Variants in TPCN2 observed in about 807,000 individuals in gnomAD.
TPCN2 encodes the protein two pore channel protein 2.
A neutral mutation model predicts 111.4 loss-of-function variants in TPCN2; 92 were observed. The ratio of observed to expected loss-of-function variants is 0.83; its 90% confidence interval spans 0.70 to 0.98. The LOEUF (loss-of-function observed/expected upper bound fraction) is 0.98, where lower values mean the gene tolerates loss of function less well. Ranked by LOEUF, TPCN2 falls within the 50% of genes least tolerant of loss-of-function variation. The pLI, the probability that TPCN2 is intolerant of heterozygous loss-of-function variation, is 0.00. For synonymous variants in TPCN2, 405 were observed against 414.5 expected (o/e 0.98, Z 0.28); for missense variants, 995 against 980.1 (o/e 1.02, Z -0.20).
Position 69,087,224 on chromosome 11 carries a change from G to A in TPCN2, c.2180+18G>A. On this transcript the variant is annotated intron_variant, in intron 24 of 24. Transcript: ENST00000294309. ...CTGTTCAGGTGTGTGGGTGGGGAAG[G>A]CGCTTCTGTCTGGCCCCCTGGGATG... 1 of 1,610,872 alleles carries A rather than the reference G, an allele frequency of 6.2e-7. No individual in the cohort carries two copies. Among genetic ancestry groups the A allele is most frequent in the African/African-American group, 1.3e-5 (1 of 74,968 alleles).
chr11:69,062,935 T>A lies in TPCN2; in HGVS notation c.598T>A (p.Ser200Thr). 1 of 1,613,978 alleles carries A rather than the reference T, an allele frequency of 6.2e-7. No homozygotes were observed. The highest frequency in any genetic ancestry group is 8.5e-7 in the Non-Finnish European group (1 of 1,179,906). ...TCCCTTCTTCCTGCTGCAGAACTCCTCTATGATGAAGAAGACCTTGAAATG... is the reference window on the plus strand; with the variant it reads ...TCCCTTCTTCCTGCTGCAGAACTCCACTATGATGAAGAAGACCTTGAAATG... Reference protein sequence around the residue: ...LRPFFLLQNSSMMKKTLKCIR... With the variant: ...LRPFFLLQNSTMMKKTLKCIR... The change falls in exon 6 of 25, where the codon TCT becomes ACT. Residue 200 changes from serine (S) to threonine (T), a missense_variant. Physicochemically the swap from Ser to Thr is moderately conservative, Grantham distance 58 (BLOSUM62 1). Coordinates refer to ENST00000294309, the MANE Select transcript of TPCN2 (RefSeq NM_139075.4).
intron 13 of TPCN2, among the ~76,000 whole-genome samples, chr11:69,077,033 C>T (rs1855804304): frequency 9.6e-6 from 1 of 104,154 alleles, no homozygotes. Context: ...TGCCCTCCTG[C>T]CATGTCCCTC....
At chr11:69,054,168 G>C in intron 2 of TPCN2, 71 bp downstream of exon 2, 1 of 1,338,876 alleles carries the variant, frequency 7.5e-7, no homozygotes, top group Non-Finnish European at 1.1e-6. Context: ...CCCCTCCAGG[G>C]GCGACTGACT....
Position 69,055,198 on chromosome 11 carries a change from T to C in TPCN2, c.275T>C (p.Leu92Ser). Residue 92 changes from leucine to serine, a missense_variant, in exon 4 of 25, where the codon TTG (leucine) becomes TCG (serine). By Grantham distance (145) the Leu-to-Ser change is moderately radical. Coordinates refer to ENST00000294309, the MANE Select transcript of TPCN2 (RefSeq NM_139075.4). ...AGGACTTTGAGCTTCACCATCTTCT[T>C]GATCCTGTTTTTGGCTTTTATCGAG... ...CQRTLSFTIF[L>S]ILFLAFIETP... 1 of 1,614,208 alleles carries C rather than the reference T, an allele frequency of 6.2e-7. No homozygotes were observed. The highest frequency in any genetic ancestry group is 8.5e-7 in the Non-Finnish European group (1 of 1,180,026).
At chr11:69,085,333 G>A (rs1351356571) in intron 20 of TPCN2, 47 bp downstream of exon 20, 1 of 1,467,522 alleles carries the variant, frequency 6.8e-7, no homozygotes, top group East Asian at 2.3e-5. Context: ...AGGGGTGCTG[G>A]GGTGGGCGGG....
intron 20 of TPCN2, 125 bp from the exon 21 acceptor site, chr11:69,085,546 G>T: frequency 1.3e-6 from 1 of 757,864 alleles, no homozygotes. Context: ...TGCCCTCTGA[G>T]CCTCTGTATC....
At chr11:69,079,565 G>A (rs1332461306) in intron 16 of TPCN2, 1 of 427,530 alleles carries the variant, frequency 2.3e-6, no homozygotes, top group East Asian at 4.0e-5. Flanking sequence ...AAAGGGCCCT[G>A]CAGTCTGTCC....
chr11:69,065,241 C>T (rs533061627), intron 7 of TPCN2, among the ~76,000 whole-genome samples: 1 of 152,316 alleles, frequency 6.6e-6, no homozygotes, highest in East Asian at 1.9e-4. Flanking sequence ...AGGCCCTCCT[C>T]TGTGTGACCG....
intron 13 of TPCN2, among the ~76,000 whole-genome samples, chr11:69,076,296 G>T (rs1855748530): frequency 6.6e-6 from 1 of 152,178 alleles, no homozygotes; most frequent in Non-Finnish European, 1.5e-5. Context: ...CCTGGGTGCA[G>T]CAGGCCCAGG....
At chr11:69,054,917 G>T in intron 3 of TPCN2, 120 bp downstream of exon 3, 1 of 1,034,942 alleles carries the variant, frequency 9.7e-7, no homozygotes, top group East Asian at 2.6e-5. Context: ...TACATAGATA[G>T]GGCGGTTACC....
In TPCN2 at chr11:69,071,953, C is replaced by T. The variant is rs573415991; in HGVS notation, c.991C>T (p.Arg331Trp). 1.4e-5 allele frequency: 22 copies of T among 1,614,014 alleles called. No homozygotes were observed. In the Admixed American group the frequency reaches 1.7e-4, roughly 12 times the overall value. The part of the protein sequence containing the change: ...KSLQTSLFRR[R>W]LGTRAAFEVL... ...TCTCCAGACCTCGCTGTTTCGGAGGCGGCTGGGAACCCGGGCTGCCTTTGA... is the reference window on the plus strand; with the variant it reads ...TCTCCAGACCTCGCTGTTTCGGAGGTGGCTGGGAACCCGGGCTGCCTTTGA... The change falls in exon 11 of 25, where the codon CGG becomes TGG. Residue 331 changes from arginine to tryptophan, a missense_variant. Coordinates refer to ENST00000294309, the MANE Select transcript of TPCN2 (RefSeq NM_139075.4).
At chr11:69,063,990 C>T in intron 7 of TPCN2, 23 bp downstream of exon 7, 5 of 1,611,304 alleles carry the variant, frequency 3.1e-6, no homozygotes, top group Non-Finnish European at 4.2e-6. Context: ...TGGTCAGGGT[C>T]TGGGAATGGG....
chr11:69,072,797 T>C (rs1855592928), intron 12 of TPCN2, 89 bp downstream of exon 12: 10 of 1,558,780 alleles, frequency 6.4e-6, no homozygotes, highest in Non-Finnish European at 8.8e-6. Context: ...GGGGTGTGGC[T>C]TCAGGTCACC....
rs78810307 is a variant in TPCN2 at position 69,049,096 on chromosome 11, A to G, written c.99A>G (p.Gln33=). 17,393 of 1,241,844 alleles carry G rather than the reference A, an allele frequency of 0.014. 634 individuals are homozygous for G. Among genetic ancestry groups the G allele is most frequent in the East Asian group, 0.11 (3,424 of 31,668 alleles). The allele number at this position is 1,241,844 out of a possible 1,614,324, so 76.9% of individuals were successfully genotyped here. The change falls in exon 1 of 25, where the codon CAA becomes CAG. Residue 33 remains glutamine (Q), a synonymous_variant. Coordinates refer to ENST00000294309, the MANE Select transcript of TPCN2 (RefSeq NM_139075.4). ...PAGLTTYRSI[Q]VGPGAAARWD... is the part of the protein sequence containing the mutation. ...GGCTGACCACTTACCGCAGCATCCA[A>G]GTCGGCCCTGGTGAGCCGCCCGGAC...
intron 5 of TPCN2, among the ~76,000 whole-genome samples, chr11:69,059,656 T>G (rs1854932028): frequency 6.6e-6 from 1 of 152,244 alleles, no homozygotes; most frequent in African/African-American, 2.4e-5. Flanking sequence ...CTCTTTCACC[T>G]GAAGCAGCAT....
chr11:69,070,292 C>CT, intron 8 of TPCN2, 138 bp from the exon 9 acceptor site: 1 of 653,252 alleles, frequency 1.5e-6, no homozygotes, highest in Non-Finnish European at 2.7e-6. Flanking sequence ...TCCCAAAGTG[C>CT]TGGGATTACA....
chr11:69,056,343 C>T (rs1169529681), intron 4 of TPCN2, among the ~76,000 whole-genome samples: 1 of 152,168 alleles, frequency 6.6e-6, no homozygotes, highest in African/African-American at 2.4e-5. Flanking sequence ...TTGCAGGCCC[C>T]GGGCAGTTTC....
chr11:69,080,429 A>G (rs1239673932), intron 17 of TPCN2, among the ~76,000 whole-genome samples: 4 of 152,234 alleles, frequency 2.6e-5, no homozygotes, highest in African/African-American at 9.6e-5. Flanking sequence ...GGTTCTGGCC[A>G]TGAAGAGACA....
chr11:69,072,845 G>A (rs942061576), intron 12 of TPCN2, 70 bp from the exon 13 acceptor site: 5 of 1,526,324 alleles, frequency 3.3e-6, no homozygotes, highest in Non-Finnish European at 3.6e-6. Flanking sequence ...GGTTGGGGCT[G>A]GGGGCGCTCA....
Sources: allele counts gnomAD v4.1 joint callset (sites outside exome capture counted in the v4.1 genomes callset), GRCh38; gene constraint gnomAD v4.1.1; transcripts MANE v1.5; gene names NCBI Gene and HGNC (gene_info 2026-07-23, HGNC 2026-07-21).